Variants in ANKRD44 observed in about 807,000 individuals in gnomAD.
ANKRD44 encodes the protein serine/threonine-protein phosphatase 6 regulatory ankyrin repeat subunit B.
In ANKRD44, 35 loss-of-function variants were observed where a neutral mutation model predicts 116.0. The observed-to-expected ratio is 0.30, with a 90% CI of 0.23 to 0.40. The LOEUF (loss-of-function observed/expected upper bound fraction) is 0.40, where lower values mean the gene tolerates loss of function less well. Among genes scored for constraint, ANKRD44 ranks in the 10% least tolerant of loss-of-function variants. The pLI is 1.00. For synonymous variants in ANKRD44, 435 were observed against 461.8 expected, an observed-to-expected ratio of 0.94 and a Z score of 0.74; for missense variants, 1,014 against 1,242.6, an observed-to-expected ratio of 0.82 and a Z score of 2.77.
At chr2:197,158,882 A>G (rs562731651) in intron 2 of ANKRD44, among the ~76,000 whole-genome samples, 1 of 152,252 alleles carries the variant, frequency 6.6e-6, no homozygotes, top group Admixed American at 6.5e-5. Flanking sequence ...CCCTGCCTTT[A>G]TGACGCCTGA....
At chr2:197,097,869 C>T (rs1040518309) in intron 10 of ANKRD44, among the ~76,000 whole-genome samples, 19 of 152,160 alleles carry the variant, frequency 1.2e-4, no homozygotes, top group Admixed American at 9.2e-4. Flanking sequence ...GCAGGACTTG[C>T]GAAGCCCTTT....
chr2:196,993,769 T>TA, intron 26 of ANKRD44, 95 bp from the exon 27 acceptor site: 1 of 978,668 alleles, frequency 1.0e-6, no homozygotes, highest in East Asian at 2.7e-5. Flanking sequence ...AAGAAGTACT[T>TA]AGACTCTACA....
At chr2:197,179,131 C>T (rs1245593376) in intron 2 of ANKRD44, among the ~76,000 whole-genome samples, 2 of 152,140 alleles carry the variant, frequency 1.3e-5, no homozygotes. Flanking sequence ...GCTTCTAATC[C>T]TGGACTTTCT....
intron 21 of ANKRD44, among the ~76,000 whole-genome samples, chr2:196,969,365 A>G (rs1680892563): frequency 6.6e-6 from 1 of 152,042 alleles, no homozygotes; most frequent in African/African-American, 2.4e-5. Flanking sequence ...ATTTGTTCAT[A>G]GATTTGGCTG....
chr2:197,260,462 T>C (rs567098076), intron 1 of ANKRD44, among the ~76,000 whole-genome samples: 1 of 152,332 alleles, frequency 6.6e-6, no homozygotes, highest in East Asian at 1.9e-4. Flanking sequence ...TGTGCCACAT[T>C]TTCTGAATCC....
chr2:197,041,921 C>T (rs746602531), intron 16 of ANKRD44, among the ~76,000 whole-genome samples: 5 of 151,820 alleles, frequency 3.3e-5, no homozygotes, highest in Non-Finnish European at 7.4e-5. Flanking sequence ...TTGTTTTCTC[C>T]AAAGTTCATA....
intron 1 of ANKRD44, among the ~76,000 whole-genome samples, chr2:197,188,101 C>G (rs919825241): frequency 1.3e-5 from 2 of 152,200 alleles, no homozygotes; most frequent in African/African-American, 4.8e-5. Flanking sequence ...ATGATTACAT[C>G]TACTGCTTAT....
intron 10 of ANKRD44, chr2:197,099,331 A>AT (rs2078236446): frequency 4.8e-6 from 1 of 206,536 alleles, no homozygotes; most frequent in Non-Finnish European, 8.5e-6. Context: ...GAAATCTCCC[A>AT]TAGCACCCAG....
intron 12 of ANKRD44, 84 bp downstream of exon 12, chr2:197,088,627 G>T: frequency 1.2e-6 from 1 of 807,294 alleles, no homozygotes; most frequent in Non-Finnish European, 1.9e-6. Context: ...TAAGGAAATT[G>T]CCTTTGATTC....
Position 197,082,844 on chromosome 2 carries a change from C to T in ANKRD44, c.1457+525G>A, listed in dbSNP as rs150315634. On this transcript the variant is annotated intron_variant, in intron 14 of 27. Coordinates refer to ENST00000282272, the MANE Select transcript of ANKRD44 (RefSeq NM_001195144.2). ...GTTCACTTATTTCTGTTTTCTATTC[C>T]TACGCACCTAGAATCCAAACATGCC... Among the ~76,000 whole-genome samples, 378 of 152,208 alleles carry T rather than the reference C, an allele frequency of 2.5e-3. 1 individual carries two copies. The highest frequency in any genetic ancestry group is 0.016 in the East Asian group (85 of 5,182).
intron 14 of ANKRD44, among the ~76,000 whole-genome samples, chr2:197,082,262 C>T (rs979396501): frequency 6.6e-6 from 1 of 152,180 alleles, no homozygotes; most frequent in Non-Finnish European, 1.5e-5. Context: ...ATAGTAGATG[C>T]TCAATAAATG....
chr2:197,025,033 A>G (rs1457306967), intron 17 of ANKRD44, among the ~76,000 whole-genome samples, 163 bp downstream of exon 17: 2 of 152,246 alleles, frequency 1.3e-5, no homozygotes, highest in Non-Finnish European at 2.9e-5. Context: ...GCTGGGAATG[A>G]AGGCGAGGCA....
chr2:197,061,003 G>A (rs879768296), intron 16 of ANKRD44, among the ~76,000 whole-genome samples: 4 of 151,876 alleles, frequency 2.6e-5, no homozygotes, highest in African/African-American at 7.3e-5. Context: ...GTGTAGATAC[G>A]TCTTTGAGAT....
intron 10 of ANKRD44, among the ~76,000 whole-genome samples, chr2:197,091,917 A>G (rs1298144430): frequency 6.6e-6 from 1 of 152,228 alleles, no homozygotes; most frequent in Non-Finnish European, 1.5e-5. Context: ...TAAATCTAGT[A>G]GTATTTAAGA....
chr2:197,308,627 G>A (rs1483096328), intron 1 of ANKRD44, among the ~76,000 whole-genome samples: 1 of 152,168 alleles, frequency 6.6e-6, no homozygotes, highest in African/African-American at 2.4e-5. Context: ...AACGTTGTGT[G>A]ACTCTTCCTT....
At chr2:197,104,157 G>A (rs1022159756) in intron 9 of ANKRD44, among the ~76,000 whole-genome samples, 1 of 152,000 alleles carries the variant, frequency 6.6e-6, no homozygotes, top group Non-Finnish European at 1.5e-5. Flanking sequence ...GTCTTGCTTT[G>A]TCACCCAGGC....
chr2:197,211,773 T>C (rs1329964445), intron 1 of ANKRD44, among the ~76,000 whole-genome samples: 2 of 151,608 alleles, frequency 1.3e-5, no homozygotes, highest in South Asian at 2.1e-4. Flanking sequence ...AGGTGTTCAT[T>C]AGGAGATGCA....
At chr2:196,994,757 A>G (rs1334028037) in intron 26 of ANKRD44, 1 of 152,408 alleles carries the variant, frequency 6.6e-6, no homozygotes, top group African/African-American at 2.4e-5. Context: ...TCCTGGCCTC[A>G]AGTAATCCAA....
intron 21 of ANKRD44, among the ~76,000 whole-genome samples, chr2:196,972,364 C>T (rs753875772): frequency 5.3e-5 from 8 of 152,060 alleles, no homozygotes; most frequent in Admixed American, 6.5e-5. Flanking sequence ...CCACCACGCC[C>T]GGTTAATTTT....
Sources: gnomAD v4.1 joint callset for allele counts (sites outside exome capture counted in the v4.1 genomes callset) on GRCh38, gnomAD v4.1.1 for gene constraint, MANE v1.5 for transcripts, NCBI Gene and HGNC (gene_info 2026-07-23, HGNC 2026-07-21) for gene names.